AXL: variants seen among roughly 807,000 people sequenced by gnomAD.
AXL encodes the protein AXL receptor tyrosine kinase.
Under a neutral mutation model 104.5 loss-of-function variants are expected in AXL, and 52 were observed. That is an observed-to-expected ratio of 0.50 (90% CI 0.40 to 0.63). AXL has a LOEUF of 0.63. AXL is among the 20% of genes least tolerant of loss of function. The pLI is 0.00. For missense variants in AXL, 1,024 were observed against 1,188.5 expected (o/e 0.86, Z 2.04); for synonymous variants, 455 against 473.7 (o/e 0.96, Z 0.51).
chr19:41,231,856 G>A (rs1599729902), intron 6 of AXL, among the ~76,000 whole-genome samples: 1 of 151,606 alleles, frequency 6.6e-6, no homozygotes, highest in African/African-American at 2.4e-5. Flanking sequence ...GAACCTGGGA[G>A]GCGGAGGTTG....
At chr19:41,220,111 C>T (rs1032793618) in intron 1 of AXL, among the ~76,000 whole-genome samples, 1 of 151,988 alleles carries the variant, frequency 6.6e-6, no homozygotes, top group African/African-American at 2.4e-5. Flanking sequence ...CTGTATCCCC[C>T]CTCCGCCCCC....
intron 12 of AXL, among the ~76,000 whole-genome samples, chr19:41,246,344 G>C (rs1355853839): frequency 6.6e-6 from 1 of 152,014 alleles, no homozygotes; most frequent in African/African-American, 2.4e-5. Context: ...CTACTTGGGA[G>C]GCTGAGGAAA....
At chr19:41,221,389 T>C (rs2033788555) in intron 3 of AXL, 143 bp downstream of exon 3, 2 of 690,830 alleles carry the variant, frequency 2.9e-6, no homozygotes, top group Non-Finnish European at 4.7e-6. Context: ...CCTAAGAATG[T>C]CAGAGTTTTG....
chr19:41,221,376 C>T (rs2033788386), intron 3 of AXL, 130 bp downstream of exon 3: 3 of 760,376 alleles, frequency 3.9e-6, no homozygotes, highest in African/African-American at 1.8e-5. Context: ...TAGCGTCATA[C>T]AGCCTAAGAA....
intron 9 of AXL, 23 bp from the exon 10 acceptor site, chr19:41,239,671 C>G (rs1599734350): frequency 6.2e-7 from 1 of 1,614,114 alleles, no homozygotes; most frequent in African/African-American, 1.3e-5. Context: ...AGCACATCTC[C>G]TCTCTGTCCT....
At chr19:41,229,714 C>T (rs550471942) in intron 4 of AXL, among the ~76,000 whole-genome samples, 1 of 152,302 alleles carries the variant, frequency 6.6e-6, no homozygotes, top group East Asian at 1.9e-4. Flanking sequence ...GGAGTGGAAA[C>T]ATGCTTCATG....
In AXL at chr19:41,239,310, C is replaced by T; in HGVS notation, c.1281C>T (p.Arg427=). The T allele has an allele frequency of 6.3e-7, 1 of 1,575,060 alleles. No homozygotes were observed. Among genetic ancestry groups the T allele is most frequent in the African/African-American group, 1.4e-5 (1 of 73,868 alleles). The part of the protein sequence containing the change: ...WSLPVPLEAW[R]PGQAQPVHQL... Reference sequence around the variant, plus strand: ...TCCCAGTACCCCTGGAGGCCTGGCGCCCAGGTAAGTCCAAAGCCATGCCCA... The same window carrying T: ...TCCCAGTACCCCTGGAGGCCTGGCGTCCAGGTAAGTCCAAAGCCATGCCCA... Residue 427 remains arginine, a synonymous_variant, in exon 9 of 20, where the codon CGC becomes CGT. Transcript: ENST00000301178.
chr19:41,220,309 A>G, intron 1 of AXL: 1 of 243,404 alleles, frequency 4.1e-6, no homozygotes, highest in Non-Finnish European at 8.0e-6. Flanking sequence ...CACCAGCACC[A>G]GCGCGACCTG....
chr19:41,227,644 C>T (rs1340245749), intron 4 of AXL, among the ~76,000 whole-genome samples: 1 of 151,990 alleles, frequency 6.6e-6, no homozygotes, highest in African/African-American at 2.4e-5. Flanking sequence ...CGCCACCATG[C>T]CCGGCTGATT....
At chr19:41,239,874 C>T (rs748245795) in intron 10 of AXL, among the ~76,000 whole-genome samples, 154 bp downstream of exon 10, 21 of 152,266 alleles carry the variant, frequency 1.4e-4, no homozygotes, top group Non-Finnish European at 2.6e-4. Context: ...GATGGAGGTG[C>T]CTATAATGGC....
chr19:41,231,923 T>G (rs2033995438), intron 6 of AXL, among the ~76,000 whole-genome samples: 1 of 113,470 alleles, frequency 8.8e-6, no homozygotes, highest in Non-Finnish European at 1.8e-5. Context: ...CGAGACTCTG[T>G]CTCAAAAAAA....
chr19:41,222,043 C>G lies in AXL; in HGVS notation c.573C>G (p.Ser191Arg). 6.3e-7 allele frequency: 1 copy of G among 1,576,466 alleles called. No homozygotes were observed. The highest frequency in any genetic ancestry group is 8.6e-7 in the Non-Finnish European group (1 of 1,164,300). The part of the protein sequence containing the change: ...ATAPGHGPQR[S>R]LHVPGLNKTS... Reference sequence around the variant, plus strand: ...CTCCAGGTCACGGCCCCCAGCGCAGCCTGCATGTTCCAGGTGAGTCCGGGG... The same window carrying G: ...CTCCAGGTCACGGCCCCCAGCGCAGGCTGCATGTTCCAGGTGAGTCCGGGG... Residue 191 changes from serine to arginine, a missense_variant, in exon 4 of 20, where the codon AGC (serine) becomes AGG (arginine). This residue lies in a region of AXL where 332 missense variants were observed against 343.9 expected (regional missense o/e 0.97). Transcript: ENST00000301178.
chr19:41,247,575 G>T (rs1358735216), intron 12 of AXL, among the ~76,000 whole-genome samples: 1 of 152,130 alleles, frequency 6.6e-6, no homozygotes, highest in Non-Finnish European at 1.5e-5. Context: ...TCAATAAAAA[G>T]AAATATTTTT....
At chr19:41,220,426 A>ATGGAC (rs1257058855) in intron 1 of AXL, 11 of 546,656 alleles carry the variant, frequency 2.0e-5, no homozygotes, top group East Asian at 1.9e-4. Flanking sequence ...TCCCGACGGG[A>ATGGAC]TGGACGCTAG....
At chr19:41,247,384 A>G (rs2034288294) in intron 12 of AXL, among the ~76,000 whole-genome samples, 1 of 152,100 alleles carries the variant, frequency 6.6e-6, no homozygotes, top group East Asian at 1.9e-4. Context: ...GTAGTGGCAC[A>G]TGCCTGTACT....
At chr19:41,224,714 T>C (rs2033848008) in intron 4 of AXL, among the ~76,000 whole-genome samples, 1 of 152,094 alleles carries the variant, frequency 6.6e-6, no homozygotes, top group African/African-American at 2.4e-5. Flanking sequence ...TCTGTGTGTG[T>C]CCATAGATGT....
intron 6 of AXL, among the ~76,000 whole-genome samples, chr19:41,234,529 T>C (rs2034046296): frequency 6.6e-6 from 1 of 151,588 alleles, no homozygotes; most frequent in Non-Finnish European, 1.5e-5. Context: ...AGTGAGACCC[T>C]GCCTAAAAAA....
intron 9 of AXL, 107 bp from the exon 10 acceptor site, chr19:41,239,582 CTCGTG>C (rs1243667338): frequency 1.5e-6 from 2 of 1,331,810 alleles, no homozygotes; most frequent in African/African-American, 4.2e-5. Context: ...CACTCCCTTA[CTCGTG>C]CCACACCCTC....
At chr19:41,226,063 A>G (rs1349874800) in intron 4 of AXL, among the ~76,000 whole-genome samples, 1 of 152,128 alleles carries the variant, frequency 6.6e-6, no homozygotes, top group Non-Finnish European at 1.5e-5. Flanking sequence ...TCTGGAGGGG[A>G]AGGGGTCCCA....
Sources: gnomAD v4.1 joint callset for allele counts (sites outside exome capture counted in the v4.1 genomes callset) on GRCh38, gnomAD v4.1.1 for gene constraint, gnomAD v4.1.1 regional missense constraint, MANE v1.5 for transcripts, NCBI Gene and HGNC (gene_info 2026-07-23, HGNC 2026-07-21) for gene names.